TSPAN15: variants seen among roughly 807,000 people sequenced by gnomAD.
TSPAN15 encodes tetraspanin 15, also known as tetraspanin-15.
Under a neutral mutation model 34.5 loss-of-function variants are expected in TSPAN15, and 20 were observed. The observed-to-expected ratio is 0.58, with a 90% CI of 0.41 to 0.84. TSPAN15 has a LOEUF of 0.84. Among genes scored for constraint, TSPAN15 ranks in the 40% least tolerant of loss-of-function variants. The pLI is 0.00. For synonymous variants in TSPAN15, 155 were observed against 153.9 expected, an observed-to-expected ratio of 1.01 and a Z score of -0.05; for missense variants, 313 against 386.1, an observed-to-expected ratio of 0.81 and a Z score of 1.59.
At chr10:69,471,535 ATCTT>A (rs916844098) in intron 1 of TSPAN15, among the ~76,000 whole-genome samples, 14 of 148,594 alleles carry the variant, frequency 9.4e-5, no homozygotes, top group South Asian at 2.1e-4. Flanking sequence ...ATATAAATCA[ATCTT>A]TCTTTCTTTC....
At chr10:69,467,356 G>A (rs10998798) in intron 1 of TSPAN15, among the ~76,000 whole-genome samples, 8,826 of 152,234 alleles carry the variant, frequency 0.058, 366 homozygotes, top group Middle Eastern at 0.16. Flanking sequence ...CAGGCCTCTG[G>A]TGAGCTGACC....
the TSPAN15 span, among the ~76,000 whole-genome samples, chr10:69,531,951 C>CAA: frequency 3.0e-3 from 436 of 144,888 alleles, 4 homozygotes; most frequent in African/African-American, 9.5e-3. Flanking sequence ...AAAAAAAAAA[C>CAA]AAAAAAAAAA....
the TSPAN15 span, among the ~76,000 whole-genome samples, chr10:69,520,641 G>A: frequency 6.6e-6 from 1 of 152,218 alleles, no homozygotes; most frequent in Non-Finnish European, 1.5e-5. Context: ...GGGCGACAGA[G>A]CAAGACCTTG....
At chr10:69,456,211 C>T (rs1383012831) in intron 1 of TSPAN15, among the ~76,000 whole-genome samples, 1 of 151,956 alleles carries the variant, frequency 6.6e-6, no homozygotes, top group African/African-American at 2.4e-5. Context: ...CCTCAGCCTC[C>T]CGAGTAGCTA....
the TSPAN15 span, among the ~76,000 whole-genome samples, chr10:69,520,725 G>C: frequency 6.6e-6 from 1 of 152,208 alleles, no homozygotes; most frequent in African/African-American, 2.4e-5. Context: ...ATCTATTGAT[G>C]GACATTTGGG....
At chr10:69,455,215 C>T (rs1841060869) in intron 1 of TSPAN15, among the ~76,000 whole-genome samples, 1 of 151,826 alleles carries the variant, frequency 6.6e-6, no homozygotes, top group South Asian at 2.1e-4. Context: ...ACCCCTCTCT[C>T]CTGGCCTGCC....
chr10:69,485,746 G>A (rs1841838647), intron 3 of TSPAN15, among the ~76,000 whole-genome samples: 1 of 145,954 alleles, frequency 6.9e-6, no homozygotes, highest in East Asian at 2.0e-4. Context: ...AAGAGTTGAG[G>A]GTGTACACAG....
chr10:69,453,786 C>T (rs546837175), intron 1 of TSPAN15, among the ~76,000 whole-genome samples: 3 of 152,376 alleles, frequency 2.0e-5, no homozygotes, highest in East Asian at 1.9e-4. Context: ...CACCCAATGG[C>T]CCTTGCCTTG....
At chr10:69,492,290 C>T (rs1015893307) in intron 3 of TSPAN15, among the ~76,000 whole-genome samples, 1 of 152,176 alleles carries the variant, frequency 6.6e-6, no homozygotes, top group East Asian at 1.9e-4. Context: ...TCAACGGCGG[C>T]ATAGCACTTT....
chr10:69,484,036 G>A lies in TSPAN15; in HGVS notation c.282+160G>A. ...CATCTGACCACACTGGCCCAAGAAT[G>A]CCCAGGCCACCTCCCCTCCTGCATG... On this transcript the variant is annotated intron_variant, in intron 2 of 7. Transcript: ENST00000373290. 4.7e-6 allele frequency: 3 copies of A among 638,702 alleles called. No individual in the cohort carries two copies. In the South Asian group the frequency reaches 9.4e-5, roughly 20 times the overall value. 39.6% of individuals were successfully genotyped at this position (638,702 alleles called of 1,614,324 possible).
intron 1 of TSPAN15, among the ~76,000 whole-genome samples, chr10:69,481,846 G>C (rs1372638604): frequency 6.6e-6 from 1 of 152,184 alleles, no homozygotes; most frequent in Non-Finnish European, 1.5e-5. Context: ...GGAACATGAG[G>C]CCCAGAAAGT....
intron 1 of TSPAN15, among the ~76,000 whole-genome samples, chr10:69,473,579 A>G (rs1001806272): frequency 4.6e-5 from 7 of 152,140 alleles, no homozygotes; most frequent in African/African-American, 1.7e-4. Context: ...GGGAATTTCC[A>G]TGGACTCCCG....
intron 1 of TSPAN15, among the ~76,000 whole-genome samples, chr10:69,475,221 T>C (rs575166932): frequency 6.6e-6 from 1 of 152,316 alleles, no homozygotes; most frequent in South Asian, 2.1e-4. Flanking sequence ...TGAGTCATTC[T>C]TATCCTTAAG....
intron 3 of TSPAN15, chr10:69,494,762 C>T (rs1842042211): frequency 1.0e-6 from 1 of 985,304 alleles, no homozygotes; most frequent in Admixed American, 6.1e-5. Context: ...AGAATGCCCC[C>T]TTCGTCCCCA....
At chr10:69,460,823 C>T (rs1841236343) in intron 1 of TSPAN15, among the ~76,000 whole-genome samples, 1 of 152,148 alleles carries the variant, frequency 6.6e-6, no homozygotes, top group South Asian at 2.1e-4. Context: ...GGGCGGGCTA[C>T]AGAATGTTTT....
rs1289955914 is a variant in TSPAN15 at position 69,451,553 on chromosome 10, A to G, written c.-42A>G. 9 of 1,355,162 alleles carry G rather than the reference A, an allele frequency of 6.6e-6. No individual in the cohort carries two copies. Among genetic ancestry groups the G allele is most frequent in the Non-Finnish European group, 8.6e-6 (9 of 1,051,150 alleles). The allele number at this position is 1,355,162 out of a possible 1,614,324, so 83.9% of individuals were successfully genotyped here. ...AGCGCTGGCTGAGGGACCGAGCCGG[A>G]GAGCCCCGGAGCCCCCGTAACCCGC... On this transcript the variant is annotated 5_prime_UTR_variant, in exon 1 of 8. Transcript: ENST00000373290.
At chr10:69,546,439 TC>T in the TSPAN15 span, among the ~76,000 whole-genome samples, 50 of 152,142 alleles carry the variant, frequency 3.3e-4, no homozygotes, top group African/African-American at 1.2e-3. Context: ...CCTTGACAAA[TC>T]CCATGGCCTA....
the TSPAN15 span, among the ~76,000 whole-genome samples, chr10:69,530,806 CTCTCTCTCTCTCTCTATATATATATATA>C: frequency 1.6e-4 from 11 of 69,060 alleles, no homozygotes; most frequent in African/African-American, 3.8e-4. Flanking sequence ...CTCTCTCTCT[CTCTCTCTCTCTCTCTATATATATATATA>C]TATATATATA....
rs1385541198 is a variant in TSPAN15, at chr10:69,506,917, C to T, written c.824C>T (p.Pro275Leu). The T allele has an allele frequency of 1.9e-5, 31 of 1,609,132 alleles. No homozygotes were observed. The highest frequency in any genetic ancestry group is 2.5e-5 in the Non-Finnish European group (30 of 1,178,384). Residue 275 changes from proline (P) to leucine (L), a missense_variant, in exon 8 of 8, where the codon CCC becomes CTC. By Grantham distance (98) the Pro-to-Leu change is moderately conservative (BLOSUM62 -3). Transcript: ENST00000373290. This position sits in a 1 kb window ranked among gnomAD's most constrained non-coding sequence, Gnocchi z 4.7. ...TCTGTCACTGATGGGCTCCTGGGGC[C>T]CGGTGCCAAGCCCAGCGTGGAGGCG... Reference protein sequence around the residue: ...EHSVTDGLLGPGAKPSVEAAG... With the variant: ...EHSVTDGLLGLGAKPSVEAAG...
Sources: allele counts gnomAD v4.1 joint callset (sites outside exome capture counted in the v4.1 genomes callset), GRCh38; gene constraint gnomAD v4.1.1; non-coding constraint Gnocchi (gnomAD v3.1); transcripts MANE v1.5; gene names NCBI Gene and HGNC (gene_info 2026-07-23, HGNC 2026-07-21).